Variants in CNTNAP5 observed in about 807,000 individuals in gnomAD.
The protein encoded by CNTNAP5 is contactin associated protein family member 5, also known as contactin-associated protein-like 5.
A neutral mutation model predicts 150.2 loss-of-function variants in CNTNAP5; 72 were observed. The ratio of observed to expected loss-of-function variants is 0.48; its 90% confidence interval spans 0.40 to 0.58. The LOEUF (loss-of-function observed/expected upper bound fraction) is 0.58, where lower values mean the gene tolerates loss of function less well. Among genes scored for constraint, CNTNAP5 ranks in the 20% least tolerant of loss-of-function variants. CNTNAP5 has a pLI of 0.00. For missense variants in CNTNAP5, 1,636 were observed against 1,626.2 expected (o/e 1.01, Z -0.10); for synonymous variants, 672 against 619.8 (o/e 1.08, Z -1.25).
intron 10 of CNTNAP5, among the ~76,000 whole-genome samples, chr2:124,562,151 T>G (rs1284269062): frequency 6.6e-6 from 1 of 152,212 alleles, no homozygotes; most frequent in Non-Finnish European, 1.5e-5. Context: ...CTGTGATTTC[T>G]GTCTGGAAGA....
chr2:124,913,838 C>A (rs369728450), intron 23 of CNTNAP5, among the ~76,000 whole-genome samples: 2 of 152,030 alleles, frequency 1.3e-5, no homozygotes, highest in Non-Finnish European at 2.9e-5. Flanking sequence ...ATTCTCAGTT[C>A]TTTAAACAAA....
At chr2:124,480,987 A>G (rs1400696902) in intron 7 of CNTNAP5, among the ~76,000 whole-genome samples, 1 of 152,220 alleles carries the variant, frequency 6.6e-6, no homozygotes, top group African/African-American at 2.4e-5. Flanking sequence ...AATGGTTAAT[A>G]TCTTAGTCCA....
At chr2:124,591,549 C>T (rs1273382435) in intron 11 of CNTNAP5, among the ~76,000 whole-genome samples, 1 of 152,110 alleles carries the variant, frequency 6.6e-6, no homozygotes, top group Admixed American at 6.6e-5. Context: ...GAAAGGCTTT[C>T]TGGAGGAAGG....
chr2:124,433,178 G>T (rs975041312), intron 4 of CNTNAP5, among the ~76,000 whole-genome samples: 1 of 152,112 alleles, frequency 6.6e-6, no homozygotes, highest in Non-Finnish European at 1.5e-5. Context: ...GCCCCACTTT[G>T]GTCTGGGTGG....
At chr2:124,673,784 C>T (rs961340839) in intron 13 of CNTNAP5, among the ~76,000 whole-genome samples, 1 of 150,572 alleles carries the variant, frequency 6.6e-6, no homozygotes, top group African/African-American at 2.4e-5. Context: ...AAAAGAGATC[C>T]TCTAGACAAT....
intron 14 of CNTNAP5, among the ~76,000 whole-genome samples, chr2:124,750,579 G>T (rs1261174573): frequency 6.6e-6 from 1 of 152,166 alleles, no homozygotes; most frequent in Non-Finnish European, 1.5e-5. Context: ...GCTGTGCAGA[G>T]AAAGTCAGGG....
intron 17 of CNTNAP5, among the ~76,000 whole-genome samples, chr2:124,785,146 G>A (rs973051108): frequency 8.6e-5 from 13 of 151,748 alleles, no homozygotes; most frequent in Non-Finnish European, 1.6e-4. Flanking sequence ...ACAGTGAACT[G>A]TATACAAGAA....
At chr2:124,181,926 A>G (rs936385863) in intron 1 of CNTNAP5, among the ~76,000 whole-genome samples, 8 of 152,176 alleles carry the variant, frequency 5.3e-5, no homozygotes, top group Admixed American at 1.3e-4. Flanking sequence ...GATTTAATTG[A>G]TAGCTATTTC....
In CNTNAP5 at chr2:124,218,277, CA is replaced by C. The variant is rs1044217401; in HGVS notation, c.83-3423del. 5.3e-5 allele frequency among the ~76,000 whole-genome samples: 8 copies of C among 152,108 alleles called. No homozygotes were observed. The East Asian group carries it at 9.7e-4, about 18-fold the overall frequency. On this transcript the variant is annotated intron_variant, in intron 1 of 23. Coordinates refer to ENST00000682447, the MANE Select transcript of CNTNAP5 (RefSeq NM_001367498.1). Reference sequence around the variant, plus strand: ...AGCGTTCCAATAATGGAACATTAGGCAAAAATAGGCTTCCATTCCCGTTTAC... The same window carrying C: ...AGCGTTCCAATAATGGAACATTAGGCAAAATAGGCTTCCATTCCCGTTTAC...
chr2:124,812,154 A>G (rs1391303074), intron 19 of CNTNAP5, among the ~76,000 whole-genome samples: 1 of 115,610 alleles, frequency 8.6e-6, no homozygotes, highest in South Asian at 2.3e-4. Context: ...TATATAATAT[A>G]TAAATAATAT....
intron 11 of CNTNAP5, among the ~76,000 whole-genome samples, chr2:124,603,114 T>C (rs1420837022): frequency 6.7e-6 from 1 of 149,722 alleles, no homozygotes; most frequent in Non-Finnish European, 1.5e-5. Context: ...TGAATTAGGG[T>C]CTAAACAAGA....
chr2:124,089,201 C>G (rs1682762924), intron 1 of CNTNAP5, among the ~76,000 whole-genome samples: 1 of 152,088 alleles, frequency 6.6e-6, no homozygotes, highest in African/African-American at 2.4e-5. Context: ...CCAGGATTCT[C>G]CATTGTAATT....
chr2:124,506,290 C>T (rs1481594574), intron 8 of CNTNAP5, among the ~76,000 whole-genome samples: 2 of 151,466 alleles, frequency 1.3e-5, no homozygotes, highest in Admixed American at 6.6e-5. Context: ...TTCTTTGTAT[C>T]GCAGATTCCA....
rs532982713 is a variant in CNTNAP5 at position 124,086,358 on chromosome 2, C to A, written c.82+60626C>A. On this transcript the variant is annotated intron_variant, in intron 1 of 23. Transcript: ENST00000682447. The stretch of plus-strand genomic sequence containing the variant: ...AGCTGGGACTGCAGGTGCCTGCCAC[C>A]ACGCCCGGCTAATTTCTTGTATTTT... Among the ~76,000 whole-genome samples, 3 of 151,544 alleles carry A rather than the reference C, an allele frequency of 2.0e-5. No homozygotes were observed. In the East Asian group the frequency reaches 5.8e-4, roughly 29 times the overall value.
At chr2:124,688,273 T>C (rs1315276029) in intron 13 of CNTNAP5, among the ~76,000 whole-genome samples, 1 of 152,100 alleles carries the variant, frequency 6.6e-6, no homozygotes, top group Non-Finnish European at 1.5e-5. Flanking sequence ...ATAAAGTTTT[T>C]TTAAAAAAAC....
intron 2 of CNTNAP5, among the ~76,000 whole-genome samples, chr2:124,238,181 G>A (rs1686800413): frequency 1.3e-5 from 2 of 152,152 alleles, no homozygotes; most frequent in Non-Finnish European, 1.5e-5. Flanking sequence ...GTGCACTTGA[G>A]AGGCCGCTTG....
chr2:124,559,977 C>T (rs369061132), intron 10 of CNTNAP5, among the ~76,000 whole-genome samples: 6 of 152,214 alleles, frequency 3.9e-5, no homozygotes, highest in Admixed American at 2.6e-4. Flanking sequence ...CTCTTTTACC[C>T]TTCCAGGAAT....
At chr2:124,325,944 G>C (rs1233215857) in intron 3 of CNTNAP5, among the ~76,000 whole-genome samples, 1 of 152,282 alleles carries the variant, frequency 6.6e-6, no homozygotes, top group Middle Eastern at 3.4e-3. Context: ...TGTACAGGGA[G>C]TATGAGCATG....
rs867454214 is a variant in CNTNAP5 at position 124,376,075 on chromosome 2, A to G, written c.382-41368A>G. Among the ~76,000 whole-genome samples the G allele has an allele frequency of 2.6e-5, 4 of 152,098 alleles. No individual in the cohort carries two copies. In the South Asian group the frequency reaches 8.3e-4, roughly 31 times the overall value. ...CTGGGGAGAAGAAATAATATAGTAG[A>G]TGAAAGCACCTAGTACCCAAGTTAA... On this transcript the variant is annotated intron_variant, in intron 3 of 23. Coordinates refer to ENST00000682447, the MANE Select transcript of CNTNAP5 (RefSeq NM_001367498.1).
Sources: allele counts gnomAD v4.1 joint callset (sites outside exome capture counted in the v4.1 genomes callset), GRCh38; gene constraint gnomAD v4.1.1; transcripts MANE v1.5; gene names NCBI Gene and HGNC (gene_info 2026-07-23, HGNC 2026-07-21).